Variants in THSD4 observed in about 807,000 individuals in gnomAD.
The protein encoded by THSD4 is thrombospondin type 1 domain containing 4, also known as thrombospondin type-1 domain-containing protein 4.
Under a neutral mutation model 119.0 loss-of-function variants are expected in THSD4, and 69 were observed. The ratio of observed to expected loss-of-function variants is 0.58; its 90% CI spans 0.48 to 0.71. The LOEUF is 0.71. Among genes scored for constraint, THSD4 ranks in the 30% least tolerant of loss-of-function variants. THSD4 has a pLI of 0.00. For synonymous variants in THSD4, 524 were observed against 540.4 expected, an observed-to-expected ratio of 0.97 and a Z score of 0.42; for missense variants, 1,393 against 1,391.1, an observed-to-expected ratio of 1.00 and a Z score of -0.02.
chr15:71,405,851 A>G (rs916155050), intron 6 of THSD4, among the ~76,000 whole-genome samples: 11 of 152,222 alleles, frequency 7.2e-5, no homozygotes, highest in African/African-American at 2.7e-4. Context: ...CAATGAATAA[A>G]TCTTCTTTAA....
At chr15:71,432,478 G>A (rs1330847718) in intron 7 of THSD4, among the ~76,000 whole-genome samples, 1 of 149,694 alleles carries the variant, frequency 6.7e-6, no homozygotes, top group Admixed American at 6.6e-5. Context: ...AAAAGACACA[G>A]TAAAAACAGC....
At chr15:71,730,524 A>G (rs1225356710) in intron 9 of THSD4, 2 of 152,660 alleles carry the variant, frequency 1.3e-5, no homozygotes, top group African/African-American at 2.4e-5. Context: ...TATTTTTGTC[A>G]TCATTCCTAA....
At chr15:71,725,366 G>C (rs2052812810) in intron 8 of THSD4, among the ~76,000 whole-genome samples, 1 of 152,164 alleles carries the variant, frequency 6.6e-6, no homozygotes, top group Non-Finnish European at 1.5e-5. Flanking sequence ...AGTTTGGCCT[G>C]TCAACATAAA....
chr15:71,550,987 T>C (rs953163651), intron 7 of THSD4, among the ~76,000 whole-genome samples: 2 of 152,222 alleles, frequency 1.3e-5, no homozygotes, highest in African/African-American at 2.4e-5. Context: ...ATCCAGATTT[T>C]CCATTTCTAA....
intron 7 of THSD4, among the ~76,000 whole-genome samples, chr15:71,470,696 C>T (rs941427017): frequency 6.9e-4 from 105 of 151,244 alleles, no homozygotes; most frequent in African/African-American, 2.2e-3. Context: ...ACTGCAGTGG[C>T]GCAATCTCGG....
At chr15:71,531,146 GT>G (rs1190706842) in intron 7 of THSD4, among the ~76,000 whole-genome samples, 1 of 152,080 alleles carries the variant, frequency 6.6e-6, no homozygotes, top group African/African-American at 2.4e-5. Context: ...AGACCAGAGG[GT>G]CATAAGGAAG....
chr15:71,727,788 C>A, intron 8 of THSD4, among the ~76,000 whole-genome samples: 2 of 132,470 alleles, frequency 1.5e-5, no homozygotes, highest in Non-Finnish European at 3.2e-5. Flanking sequence ...AAGGGGAGGG[C>A]TGGGAGGGGA....
At chr15:71,279,984 T>G (rs534850249) in intron 6 of THSD4, among the ~76,000 whole-genome samples, 1 of 152,174 alleles carries the variant, frequency 6.6e-6, no homozygotes, top group African/African-American at 2.4e-5. Context: ...TGTTGTGAGG[T>G]TCCGGCGAGA....
intron 6 of THSD4, among the ~76,000 whole-genome samples, chr15:71,335,776 T>C (rs1596345374): frequency 6.6e-6 from 1 of 152,166 alleles, no homozygotes; most frequent in East Asian, 1.9e-4. Context: ...GCTGTTTCTT[T>C]TAACAAGGGG....
At chr15:71,108,524 AG>A (rs1268905852) in intron 1 of THSD4, among the ~76,000 whole-genome samples, 2 of 152,220 alleles carry the variant, frequency 1.3e-5, no homozygotes, top group Non-Finnish European at 2.9e-5. Flanking sequence ...GACAGCCTGA[AG>A]CCCCTGGTTT....
intron 14 of THSD4, among the ~76,000 whole-genome samples, chr15:71,753,124 A>G (rs751918554): frequency 6.6e-6 from 1 of 152,204 alleles, no homozygotes; most frequent in Non-Finnish European, 1.5e-5. Flanking sequence ...ACCTAAGTGA[A>G]TTGAGGTTGT....
At chr15:71,610,617 A>G (rs533473542) in intron 7 of THSD4, among the ~76,000 whole-genome samples, 25 of 152,242 alleles carry the variant, frequency 1.6e-4, no homozygotes, top group Admixed American at 1.6e-3. Context: ...AATTTATAAC[A>G]CTGTCTGTGC....
intron 1 of THSD4, among the ~76,000 whole-genome samples, chr15:71,139,609 G>T (rs927616851): frequency 6.6e-6 from 1 of 152,238 alleles, no homozygotes; most frequent in South Asian, 2.1e-4. Flanking sequence ...GATGATTACA[G>T]TTAAGAGGCT....
intron 10 of THSD4, chr15:71,732,824 G>T (rs2053007632): frequency 6.6e-6 from 1 of 152,186 alleles, no homozygotes. Flanking sequence ...ACCCTAGGAG[G>T]AAATAAAGGC....
chr15:71,179,960 G>T (rs1166641230), intron 3 of THSD4, among the ~76,000 whole-genome samples: 1 of 90,650 alleles, frequency 1.1e-5, no homozygotes, highest in Non-Finnish European at 2.2e-5. Context: ...CATGGACACA[G>T]GAAGGGGAAT....
intron 6 of THSD4, among the ~76,000 whole-genome samples, chr15:71,375,155 G>A (rs1345457108): frequency 2.0e-5 from 3 of 152,138 alleles, no homozygotes; most frequent in Admixed American, 2.0e-4. Context: ...GCCAGGGACC[G>A]AGCACCACGA....
chr15:71,541,205 A>G (rs942604818), intron 7 of THSD4, among the ~76,000 whole-genome samples: 8 of 152,220 alleles, frequency 5.3e-5, no homozygotes, highest in Non-Finnish European at 1.0e-4. Context: ...AACATATTCA[A>G]AATATTATTT....
At chr15:71,359,262 C>G (rs1046193546) in intron 6 of THSD4, among the ~76,000 whole-genome samples, 4 of 152,202 alleles carry the variant, frequency 2.6e-5, no homozygotes, top group Admixed American at 2.6e-4. Flanking sequence ...GCTTAAAACT[C>G]TTTTCTGACC....
chr15:71,131,032 C>T (rs2040499597), intron 1 of THSD4, among the ~76,000 whole-genome samples: 1 of 152,258 alleles, frequency 6.6e-6, no homozygotes, highest in Non-Finnish European at 1.5e-5. Context: ...GTGTGAGCCA[C>T]TGTGCCCGGC....
Sources: allele counts gnomAD v4.1 joint callset (sites outside exome capture counted in the v4.1 genomes callset), GRCh38; gene constraint gnomAD v4.1.1; transcripts MANE v1.5; gene names NCBI Gene and HGNC (gene_info 2026-07-23, HGNC 2026-07-21).